Variants in ZCCHC8 observed in about 807,000 individuals in gnomAD.
ZCCHC8 encodes zinc finger CCHC domain-containing protein 8.
In ZCCHC8, 27 loss-of-function variants were observed where a neutral mutation model predicts 70.6. That is an observed-to-expected ratio of 0.38 (90% CI 0.28 to 0.53). The LOEUF (loss-of-function observed/expected upper bound fraction) is 0.53. Among genes scored for constraint, ZCCHC8 ranks in the 20% least tolerant of loss-of-function variants. The pLI is 0.81. For missense variants in ZCCHC8, 737 were observed against 876.9 expected, an observed-to-expected ratio of 0.84 and a Z score of 2.01; for synonymous variants, 293 against 317.4, an observed-to-expected ratio of 0.92 and a Z score of 0.82.
At chr12:122,489,354 G>A (rs746691844) in intron 5 of ZCCHC8, 32 bp downstream of exon 5, 12 of 1,603,618 alleles carry the variant, frequency 7.5e-6, no homozygotes, top group Admixed American at 1.7e-5. Context: ...ACACCTATTG[G>A]CTGAATTCAA....
At chr12:122,482,540 A>C in intron 8 of ZCCHC8, 95 bp downstream of exon 8, 1 of 877,324 alleles carries the variant, frequency 1.1e-6, no homozygotes, top group Non-Finnish European at 1.7e-6. Context: ...TAAAGGAACA[A>C]AGAAAGTTCC....
At chr12:122,487,527 G>A (rs939717976) in intron 5 of ZCCHC8, among the ~76,000 whole-genome samples, 26 of 152,140 alleles carry the variant, frequency 1.7e-4, no homozygotes, top group Non-Finnish European at 7.3e-5. Context: ...TGAATGAGAA[G>A]TGCCATTTCA....
chr12:122,482,433 G>T, intron 8 of ZCCHC8: 3 of 454,032 alleles, frequency 6.6e-6, no homozygotes, highest in South Asian at 6.2e-5. Context: ...CAAATTAAAG[G>T]ACACTGTTTT....
intron 13 of ZCCHC8, among the ~76,000 whole-genome samples, chr12:122,475,886 C>T (rs1957408082): frequency 6.6e-6 from 1 of 152,218 alleles, no homozygotes; most frequent in Admixed American, 6.5e-5. Context: ...CTCCAGCTGT[C>T]ACCCTGCTGC....
chr12:122,482,112 A>G, intron 8 of ZCCHC8, 25 bp from the exon 9 acceptor site: 1 of 1,574,392 alleles, frequency 6.4e-7, no homozygotes, highest in Admixed American at 1.8e-5. Flanking sequence ...ATTTGAAAAG[A>G]ATGGTTTCAT....
chr12:122,496,644 C>A (rs1383029015), intron 2 of ZCCHC8, among the ~76,000 whole-genome samples: 1 of 152,072 alleles, frequency 6.6e-6, no homozygotes, highest in Non-Finnish European at 1.5e-5. Context: ...ACCAGAGGAA[C>A]ATGCCACCAC....
In ZCCHC8 at chr12:122,483,322, T is replaced by G. The variant is rs752904701; in HGVS notation, c.628A>C (p.Ile210Leu). Residue 210 changes from isoleucine (I) to leucine (L), a missense_variant, in exon 7 of 14, where the codon ATT (isoleucine) becomes CTT (leucine). Physicochemically the swap from Ile to Leu is conservative, Grantham distance 5. Transcript: ENST00000633063. This position sits in a 1 kb window ranked among gnomAD's most constrained non-coding sequence, Gnocchi z 4.4. ...IPKYHQVFSH[I>L]VSLEGQEIQV... ...ATTTCTTGCCCTTCTAGAGAAACAA[T>G]GTGGCTGAAGACTTGATGGTACCTT... is the stretch of plus-strand genomic sequence containing the variant. The G allele has an allele frequency of 6.2e-7, 1 of 1,600,346 alleles. No homozygotes were observed. The highest frequency in any genetic ancestry group is 1.1e-5 in the South Asian group (1 of 88,464).
chr12:122,486,475 C>G (rs1957643007), intron 5 of ZCCHC8, among the ~76,000 whole-genome samples: 1 of 151,242 alleles, frequency 6.6e-6, no homozygotes, highest in Non-Finnish European at 1.5e-5. Flanking sequence ...ACTTAAAACC[C>G]TCTATCACTT....
chr12:122,496,711 A>G (rs1957831238), intron 2 of ZCCHC8, among the ~76,000 whole-genome samples: 1 of 152,126 alleles, frequency 6.6e-6, no homozygotes, highest in Non-Finnish European at 1.5e-5. Flanking sequence ...TGTTGTCCAG[A>G]CTGGTCTCCC....
chr12:122,492,909 C>T lies in ZCCHC8; in HGVS notation c.243-120G>A, dbSNP rs1194108758. 19 of 683,020 alleles carry T rather than the reference C, an allele frequency of 2.8e-5. No individual in the cohort carries two copies. The South Asian group carries it at 2.8e-4, about 10-fold the overall frequency. The allele number at this position is 683,020 out of a possible 1,614,324, so 42.3% of individuals were successfully genotyped here. A position where few individuals can be genotyped will look rare whatever the true frequency, so the allele number is the denominator to read the frequency against. ...TTTTTGACACAGGTTCTCACTCTGT[C>T]GCTCGTGCTGGAGTGCTGTGGTGAG... is the stretch of plus-strand genomic sequence containing the variant. On this transcript the variant is annotated intron_variant, in intron 2 of 13. Transcript: ENST00000633063.
In ZCCHC8 at chr12:122,492,774, G is replaced by A. The variant is rs997060367; in HGVS notation, c.258C>T (p.Asn86=). The part of the protein sequence containing the change: ...ILTRPSGILV[N]DTKLDGPILQ... ...ATATAGGTCCATCTAACTTAGTATC[G>A]TTCACCAATATTCCACTAAAACAGA... The change falls in exon 3 of 14, where the codon AAC becomes AAT. Residue 86 remains asparagine (N), a synonymous_variant. Coordinates refer to ENST00000633063, the MANE Select transcript of ZCCHC8 (RefSeq NM_017612.5). 29 of 1,544,306 alleles carry A rather than the reference G, an allele frequency of 1.9e-5. No individual in the cohort carries two copies. Among genetic ancestry groups the A allele is most frequent in the East Asian group, 1.2e-4 (5 of 41,820 alleles).
At position 122,489,510 on chromosome 12, in the gene ZCCHC8, C is replaced by T. The variant is rs768670724; in HGVS notation, c.424-47G>A. The stretch of plus-strand genomic sequence containing the variant: ...ATTACAACCGGTAACCAATTTTTAA[C>T]CAGTTTAAATGGAAGTTAGTAAGTT... On this transcript the variant is annotated intron_variant, in intron 4 of 13. Transcript: ENST00000633063. 1.9e-6 allele frequency: 3 copies of T among 1,547,712 alleles called. No individual in the cohort carries two copies. In the South Asian group the frequency reaches 3.4e-5, roughly 18 times the overall value.
intron 2 of ZCCHC8, among the ~76,000 whole-genome samples, chr12:122,495,616 G>A (rs1410351517): frequency 1.3e-5 from 2 of 152,090 alleles, no homozygotes; most frequent in African/African-American, 2.4e-5. Context: ...TTGGGAAGCC[G>A]AGGCGGGTGG....
intron 2 of ZCCHC8, among the ~76,000 whole-genome samples, chr12:122,495,837 C>A (rs1200779860): frequency 2.6e-5 from 3 of 116,908 alleles, no homozygotes; most frequent in African/African-American, 9.8e-5. Context: ...GATAGAGTGA[C>A]ACTCTGTCTC....
intron 2 of ZCCHC8, among the ~76,000 whole-genome samples, chr12:122,494,551 C>G (rs1294481421): frequency 7.3e-6 from 1 of 137,196 alleles, no homozygotes; most frequent in Non-Finnish European, 1.6e-5. Context: ...CACAGCGAGA[C>G]TCTGTTTCAA....
chr12:122,490,665 G>T, intron 3 of ZCCHC8, 98 bp from the exon 4 acceptor site: 1 of 675,716 alleles, frequency 1.5e-6, no homozygotes, highest in South Asian at 2.6e-5. Flanking sequence ...TGTGAATGTT[G>T]TTGTTTTTCA....
At chr12:122,478,321 A>C in intron 11 of ZCCHC8, 29 bp from the exon 12 acceptor site, 3 of 1,497,028 alleles carry the variant, frequency 2.0e-6, no homozygotes, top group Non-Finnish European at 2.7e-6. Context: ...GGAAAAAAAA[A>C]ACACATGTAT....
At chr12:122,499,486 T>TCCTGATCCTCATGATCCA (rs977840771) in intron 1 of ZCCHC8, 1 of 153,352 alleles carries the variant, frequency 6.5e-6, no homozygotes, top group African/African-American at 2.4e-5. Context: ...CAGGCTGACC[T>TCCTGATCCTCATGATCCA]CCTGATCCTC....
intron 10 of ZCCHC8, chr12:122,481,297 G>T: frequency 2.2e-6 from 1 of 451,214 alleles, no homozygotes; most frequent in Non-Finnish European, 3.9e-6. Flanking sequence ...TGATACTCTG[G>T]CCTAGACAGT....
Sources: gnomAD v4.1 joint callset for allele counts (sites outside exome capture counted in the v4.1 genomes callset) on GRCh38, gnomAD v4.1.1 for gene constraint, Gnocchi (gnomAD v3.1) non-coding constraint, MANE v1.5 for transcripts, NCBI Gene and HGNC (gene_info 2026-07-23, HGNC 2026-07-21) for gene names.